The following TENM3 variants were observed in gnomAD, a reference collection of about 807,000 sequenced individuals.
TENM3 encodes the protein teneurin transmembrane protein 3.
In TENM3, 63 loss-of-function variants were observed where a neutral mutation model predicts 255.1. That is an observed-to-expected ratio of 0.25 (90% CI 0.20 to 0.30). The LOEUF (loss-of-function observed/expected upper bound fraction) is 0.30, where lower values mean the gene tolerates loss of function less well. TENM3 is among the 10% of genes least tolerant of loss of function. TENM3 has a pLI of 1.00. For synonymous variants in TENM3, 1,306 were observed against 1,322.3 expected (o/e 0.99, Z 0.27); for missense variants, 2,929 against 3,461.1 (o/e 0.85, Z 3.86).
chr4:181,881,275 A>T, the TENM3 span, among the ~76,000 whole-genome samples: 1 of 152,112 alleles, frequency 6.6e-6, no homozygotes, highest in Admixed American at 6.5e-5. Context: ...TCAATCAATT[A>T]TGTTACTTCT....
chr4:181,933,692 T>C, the TENM3 span, among the ~76,000 whole-genome samples: 2 of 152,224 alleles, frequency 1.3e-5, no homozygotes, highest in Non-Finnish European at 1.5e-5. Flanking sequence ...TTTGTGATAA[T>C]GGTGCTCATT....
chr4:181,455,849 A>T, the TENM3 span, among the ~76,000 whole-genome samples: 3 of 151,950 alleles, frequency 2.0e-5, no homozygotes, highest in South Asian at 6.2e-4. Flanking sequence ...ATCAAGTGAG[A>T]TTATAGAATG....
At chr4:182,778,874 A>C (rs747275308) in intron 24 of TENM3, among the ~76,000 whole-genome samples, 4 of 151,686 alleles carry the variant, frequency 2.6e-5, no homozygotes, top group Non-Finnish European at 4.4e-5. Context: ...GATCTGAGAT[A>C]AGGTTTCACT....
In TENM3 at chr4:182,630,876, G is replaced by A. The variant is rs1282651003; in HGVS notation, c.988+1987G>A. On this transcript the variant is annotated intron_variant, in intron 5 of 27. Transcript: ENST00000511685. ...CATCCTTTCTGATTGATAAGTGCCT[G>A]TGTGCTTCCAGTTGTTAAATATTTT... Among the ~76,000 whole-genome samples the A allele has an allele frequency of 2.0e-5, 3 of 151,974 alleles. No homozygotes were observed. The East Asian group carries it at 5.8e-4, about 29-fold the overall frequency.
the TENM3 span, among the ~76,000 whole-genome samples, chr4:181,587,986 G>T: frequency 6.6e-6 from 1 of 152,128 alleles, no homozygotes; most frequent in East Asian, 1.9e-4. Flanking sequence ...TGGGGACGTT[G>T]ATTGTGGGGG....
At chr4:182,611,397 ATATT>A (rs1748989783) in intron 4 of TENM3, among the ~76,000 whole-genome samples, 1 of 151,330 alleles carries the variant, frequency 6.6e-6, no homozygotes, top group Non-Finnish European at 1.5e-5. Context: ...TATTAAATAT[ATATT>A]TATAATAGTT....
intron 1 of TENM3, among the ~76,000 whole-genome samples, chr4:182,147,569 C>A (rs1422672564): frequency 6.6e-6 from 1 of 152,022 alleles, no homozygotes; most frequent in African/African-American, 2.4e-5. Flanking sequence ...AATTGTCTGC[C>A]CTTTTCTGGA....
the TENM3 span, among the ~76,000 whole-genome samples, chr4:181,751,004 G>A: frequency 1.6e-4 from 24 of 152,206 alleles, no homozygotes; most frequent in South Asian, 8.3e-4. Context: ...ATTTCAGCAT[G>A]CAATAATTTG....
chr4:181,495,919 A>AAAG, the TENM3 span, among the ~76,000 whole-genome samples: 2 of 150,954 alleles, frequency 1.3e-5, no homozygotes, highest in African/African-American at 4.9e-5. Flanking sequence ...AAAAAAAAAA[A>AAAG]AAAGAAACAT....
the TENM3 span, among the ~76,000 whole-genome samples, chr4:181,532,371 G>A: frequency 1.3e-5 from 2 of 152,054 alleles, no homozygotes; most frequent in Non-Finnish European, 2.9e-5. Context: ...GGGTGCGGGA[G>A]GTAAAAAATA....
chr4:182,754,575 A>G lies in TENM3; in HGVS notation c.4208A>G (p.Glu1403Gly), dbSNP rs1762595804. The G allele has an allele frequency of 1.2e-6, 2 of 1,613,884 alleles. No homozygotes were observed. The highest frequency in any genetic ancestry group is 2.2e-5 in the South Asian group (2 of 91,074). The change falls in exon 22 of 28, where the codon GAA becomes GGA. Residue 1403 changes from glutamate to glycine, a missense_variant. Physicochemically the swap from Glu to Gly is moderately conservative, Grantham distance 98. Coordinates refer to ENST00000511685, the MANE Select transcript of TENM3 (RefSeq NM_001080477.4). This position sits in a 1 kb window ranked among gnomAD's most constrained non-coding sequence, Gnocchi z 5.1. ...VGKHAVQTTLESATAIAVSYS... is the reference protein window; with the variant it reads ...VGKHAVQTTLGSATAIAVSYS... ...AAGCACGCGGTGCAGACAACACTGG[A>G]ATCAGCCACTGCCATTGCTGTGTCC... is the stretch of plus-strand genomic sequence containing the variant.
At chr4:182,304,285 T>C (rs902136661) in intron 1 of TENM3, among the ~76,000 whole-genome samples, 1 of 152,132 alleles carries the variant, frequency 6.6e-6, no homozygotes, top group Non-Finnish European at 1.5e-5. Flanking sequence ...CGATCTTGGC[T>C]TACTGCAACC....
At chr4:182,376,697 A>G (rs1259433892) in intron 3 of TENM3, among the ~76,000 whole-genome samples, 2 of 152,056 alleles carry the variant, frequency 1.3e-5, no homozygotes, top group Non-Finnish European at 2.9e-5. Context: ...GAGTCAGTGT[A>G]CAGAAACCAG....
At chr4:182,039,025 G>A in the TENM3 span, among the ~76,000 whole-genome samples, 88 of 152,104 alleles carry the variant, frequency 5.8e-4, 1 homozygote, top group African/African-American at 1.9e-3. Flanking sequence ...GAGCCCCTGC[G>A]CCCGGCCATA....
chr4:182,606,340 A>G (rs570409187), intron 4 of TENM3, among the ~76,000 whole-genome samples: 24 of 151,960 alleles, frequency 1.6e-4, no homozygotes, highest in Admixed American at 2.6e-4. Flanking sequence ...CCTGGCCAAC[A>G]TGGTGAAACC....
intron 19 of TENM3, 72 bp downstream of exon 19, chr4:182,743,491 T>C: frequency 1.3e-6 from 2 of 1,514,476 alleles, no homozygotes; most frequent in Non-Finnish European, 1.8e-6. Flanking sequence ...TTGAGTCTGA[T>C]GTACTGATTT....
At chr4:181,508,892 CTTTTTTT>C in the TENM3 span, among the ~76,000 whole-genome samples, 62 of 53,816 alleles carry the variant, frequency 1.2e-3, no homozygotes, top group South Asian at 6.2e-3. Context: ...ATTTCCAACA[CTTTTTTT>C]TTTTTTTTTT....
chr4:182,546,148 G>T (rs1367960385), intron 3 of TENM3, among the ~76,000 whole-genome samples: 3 of 152,204 alleles, frequency 2.0e-5, no homozygotes, highest in Non-Finnish European at 2.9e-5. Context: ...ACGCTGAGCA[G>T]GCTAACAAGG....
the TENM3 span, among the ~76,000 whole-genome samples, chr4:181,854,104 G>A: frequency 6.6e-6 from 1 of 152,140 alleles, no homozygotes; most frequent in Admixed American, 6.5e-5. Context: ...TGACATCAGG[G>A]ACACAAATAT....
Sources: gnomAD v4.1 joint callset for allele counts (sites outside exome capture counted in the v4.1 genomes callset) on GRCh38, gnomAD v4.1.1 for gene constraint, Gnocchi (gnomAD v3.1) non-coding constraint, MANE v1.5 for transcripts, NCBI Gene and HGNC (gene_info 2026-07-23, HGNC 2026-07-21) for gene names.